Variants in ZNF628 observed in about 807,000 individuals in gnomAD.
ZNF628 encodes zinc finger protein Zec.
ZNF628 carries 3 observed loss-of-function variants against 2.5 expected under a neutral mutation model. The observed-to-expected ratio is 1.19, with a 90% CI of 0.54 to 3.07. ZNF628 has a LOEUF of 3.07. Among genes scored for constraint, ZNF628 ranks in the 30% most tolerant of loss-of-function variants. The pLI is 0.03. For synonymous variants in ZNF628, 861 were observed against 717.1 expected (o/e 1.20, Z -3.21); for missense variants, 1,610 against 1,517.1 (o/e 1.06, Z -1.02).
In ZNF628 at chr19:55,482,098, A is replaced by G. The variant is rs1268778215; in HGVS notation, c.905A>G (p.Gln302Arg). 2 of 1,507,310 alleles carry G rather than the reference A, an allele frequency of 1.3e-6. No homozygotes were observed. Among genetic ancestry groups the G allele is most frequent in the Non-Finnish European group, 1.8e-6 (2 of 1,129,318 alleles). The allele number at this position is 1,507,310 out of a possible 1,614,324, so 93.4% of individuals were successfully genotyped here. Reference protein sequence around the residue: ...ELVYRCDGCEQGFSSEELLLE... With the variant: ...ELVYRCDGCERGFSSEELLLE... ...GTGTACCGCTGCGATGGCTGCGAGC[A>G]GGGATTCAGCAGCGAGGAGCTGCTC... Residue 302 changes from glutamine (Q) to arginine (R), a missense_variant, in exon 3 of 3, where the codon CAG (glutamine) becomes CGG (arginine). Gln to Arg is a conservative substitution (Grantham distance 43). This residue lies in a region of ZNF628 where 651 missense variants were observed against 575.6 expected (regional missense o/e 1.13). Transcript: ENST00000598519.
Position 55,481,733 on chromosome 19 carries a change from C to G in ZNF628, c.540C>G (p.Val180=), listed in dbSNP as rs747080941. Residue 180 remains valine (V), a synonymous_variant, in exon 3 of 3, where the codon GTC becomes GTG. Transcript: ENST00000598519. ...GCGAGCGGCCCTACACCTGTGGAGT[C>G]TGCGGGAAGAGCTTCACGCAGAGCA... ...HTGERPYTCG[V]CGKSFTQSTN... is the part of the protein sequence containing the mutation. 1.1e-5 allele frequency: 18 copies of G among 1,612,028 alleles called. No homozygotes were observed. The highest frequency in any genetic ancestry group is 1.5e-5 in the Non-Finnish European group (18 of 1,179,276).
rs774477611 is a variant in ZNF628, at chr19:55,484,079, G to A, written c.2886G>A (p.Thr962=). The change falls in exon 3 of 3, where the codon ACG becomes ACA. Residue 962 remains threonine (T), a synonymous_variant. Coordinates refer to ENST00000598519, the MANE Select transcript of ZNF628 (RefSeq NM_033113.3). ...TAGAAACACTTCCTCCTGGGCTGAC[G>A]GAGCCGCCTGCCACCGGCCCACCCG... The part of the protein sequence containing the change: ...QEVETLPPGL[T]EPPATGPPGQ... 2 of 1,592,682 alleles carry A rather than the reference G, an allele frequency of 1.3e-6. No homozygotes were observed. Among genetic ancestry groups the A allele is most frequent in the South Asian group, 1.1e-5 (1 of 87,448 alleles).
chr19:55,481,160 C>T (rs1223915895), intron 2 of ZNF628, 41 bp from the exon 3 acceptor site: 51 of 1,469,272 alleles, frequency 3.5e-5, no homozygotes, highest in Non-Finnish European at 4.4e-5. Context: ...TGAGATGATC[C>T]AGTGCGGGGG....
chr19:55,483,161 T>C lies in ZNF628; in HGVS notation c.1968T>C (p.Pro656=). ...ACACGCCTCCCAGCACCACAGCCCC[T>C]GCCGCCGGCCCCCAGCCCCCTGCTC... The part of the protein sequence containing the change: ...PANTPPSTTA[P]AAGPQPPAPL... Residue 656 remains proline, a synonymous_variant, in exon 3 of 3, where the codon CCT becomes CCC. Coordinates refer to ENST00000598519, the MANE Select transcript of ZNF628 (RefSeq NM_033113.3). 6.4e-7 allele frequency: 1 copy of C among 1,557,096 alleles called. No individual in the cohort carries two copies. The highest frequency in any genetic ancestry group is 2.4e-5 in the East Asian group (1 of 42,458).
Position 55,483,433 on chromosome 19 carries a change from C to A in ZNF628, c.2240C>A (p.Ser747Tyr). Reference protein sequence around the residue: ...PAPPKLILLPSSSAGAGGGRA... With the variant: ...PAPPKLILLPYSSAGAGGGRA... ...CCTCCCAAGCTCATCCTGCTGCCCT[C>A]CTCCAGTGCTGGGGCTGGGGGCGGC... Residue 747 changes from serine to tyrosine, a missense_variant, in exon 3 of 3, where the codon TCC (serine) becomes TAC (tyrosine). Around this residue, in one of 5 missense-constraint regions of ZNF628, gnomAD observed 712 missense variants for 603.6 expected, o/e 1.18. Transcript: ENST00000598519. The A allele has an allele frequency of 6.6e-7, 1 of 1,516,198 alleles. No homozygotes were observed. The highest frequency in any genetic ancestry group is 8.8e-7 in the Non-Finnish European group (1 of 1,134,440). 93.9% of individuals were successfully genotyped at this position (1,516,198 alleles called of 1,614,324 possible).
intron 1 of ZNF628, 75 bp downstream of exon 1, chr19:55,476,882 G>A (rs1437247634): frequency 2.1e-5 from 3 of 145,560 alleles, no homozygotes; most frequent in South Asian, 2.2e-4. Context: ...GGGCGGGGGG[G>A]GGGGCGTGAA....
At position 55,482,508 on chromosome 19, in the gene ZNF628, G is replaced by GCCCCCCC; in HGVS notation, c.1315_1316insCCCCCCC (p.Val439AlafsTer449). ...GGAACCGCTGGCGCCTGCCGCCCCC[G>GCCCCCCC]TCCCGCCGCCACCCCCGTCCGCCCC... On this transcript the variant is annotated frameshift_variant, in exon 3 of 3. Coordinates refer to ENST00000598519, the MANE Select transcript of ZNF628 (RefSeq NM_033113.3). LOFTEE classifies it low-confidence loss of function (END_TRUNC). 1.1e-5 allele frequency: 14 copies of GCCCCCCC among 1,296,170 alleles called. No individual in the cohort carries two copies. Among genetic ancestry groups the GCCCCCCC allele is most frequent in the African/African-American group, 1.6e-5 (1 of 63,942 alleles). 80.3% of individuals were successfully genotyped at this position (1,296,170 alleles called of 1,614,324 possible).
Position 55,481,859 on chromosome 19 carries a change from C to G in ZNF628, c.666C>G (p.His222Gln). The change falls in exon 3 of 3, where the codon CAC becomes CAG. Residue 222 changes from histidine (H) to glutamine (Q), a missense_variant. This residue lies in a region of ZNF628 where 651 missense variants were observed against 575.6 expected (regional missense o/e 1.13). Coordinates refer to ENST00000598519, the MANE Select transcript of ZNF628 (RefSeq NM_033113.3). The part of the protein sequence containing the change: ...TFTHSSNLLL[H>Q]QRTHGAAPAP... ...CCCACTCCTCCAACCTGCTGCTGCACCAGCGCACGCACGGCGCCGCCCCCG... is the reference window on the plus strand; with the variant it reads ...CCCACTCCTCCAACCTGCTGCTGCAGCAGCGCACGCACGGCGCCGCCCCCG... 6.3e-7 allele frequency: 1 copy of G among 1,579,970 alleles called. No individual in the cohort carries two copies. The highest frequency in any genetic ancestry group is 8.6e-7 in the Non-Finnish European group (1 of 1,165,470).
At position 55,484,347 on chromosome 19, in the gene ZNF628, G is replaced by T; in HGVS notation, c.3154G>T (p.Ala1052Ser). 1 of 1,460,138 alleles carries T rather than the reference G, an allele frequency of 6.8e-7. No homozygotes were observed. Among genetic ancestry groups the T allele is most frequent in the Non-Finnish European group, 9.1e-7 (1 of 1,102,314 alleles). The allele number at this position is 1,460,138 out of a possible 1,614,324, so 90.4% of individuals were successfully genotyped here. ...CATCCAGATTGTCCAGACTCTACCCGCAGTCCAGCTGGTGCACACGTTTTG... is the reference window on the plus strand; with the variant it reads ...CATCCAGATTGTCCAGACTCTACCCTCAGTCCAGCTGGTGCACACGTTTTG... ...PSIQIVQTLP[A>S]VQLVHTF Residue 1052 changes from alanine (A) to serine (S), a missense_variant, in exon 3 of 3, where the codon GCA becomes TCA. Transcript: ENST00000598519.
Position 55,482,375 on chromosome 19 carries a change from CT to C in ZNF628, c.1184del (p.Phe395SerfsTer32). ...TCCGCTGCGGCAGCTGCGACGGCTCCTTCCCGCAGCTGGCCAGCCTCCTGGC... is the reference window on the plus strand; with the variant it reads ...TCCGCTGCGGCAGCTGCGACGGCTCCTCCCGCAGCTGGCCAGCCTCCTGGC... ...AFRCGSCDGSFPQLASLLAHQ... is the reference protein window; with the variant it reads ...AFRCGSCDGSXPQLASLLAHQ... On this transcript the variant is annotated frameshift_variant, in exon 3 of 3. Transcript: ENST00000598519. LOFTEE classifies it low-confidence loss of function (END_TRUNC). 1 of 1,427,600 alleles carries C rather than the reference CT, an allele frequency of 7.0e-7. No homozygotes were observed. Among genetic ancestry groups the C allele is most frequent in the South Asian group, 1.4e-5 (1 of 73,062 alleles). 88.4% of individuals were successfully genotyped at this position (1,427,600 alleles called of 1,614,324 possible).
chr19:55,481,730 A>T lies in ZNF628; in HGVS notation c.537A>T (p.Gly179=), dbSNP rs777675198. Residue 179 remains glycine (G), a synonymous_variant, in exon 3 of 3, where the codon GGA becomes GGT. Coordinates refer to ENST00000598519, the MANE Select transcript of ZNF628 (RefSeq NM_033113.3). ...CCGGCGAGCGGCCCTACACCTGTGGAGTCTGCGGGAAGAGCTTCACGCAGA... is the reference window on the plus strand; with the variant it reads ...CCGGCGAGCGGCCCTACACCTGTGGTGTCTGCGGGAAGAGCTTCACGCAGA... ...VHTGERPYTC[G]VCGKSFTQST... is the part of the protein sequence containing the mutation. 4.3e-6 allele frequency: 7 copies of T among 1,611,308 alleles called. No homozygotes were observed. In the African/African-American group the frequency reaches 8.1e-5, roughly 19 times the overall value.
chr19:55,479,400 C>T lies in ZNF628; in HGVS notation c.-77-434C>T, dbSNP rs541497055. Among the ~76,000 whole-genome samples, 15 of 152,280 alleles carry T rather than the reference C, an allele frequency of 9.9e-5. No homozygotes were observed. Among genetic ancestry groups the T allele is most frequent in the Admixed American group, 2.6e-4 (4 of 15,304 alleles). On this transcript the variant is annotated intron_variant, in intron 1 of 2. Coordinates refer to ENST00000598519, the MANE Select transcript of ZNF628 (RefSeq NM_033113.3). This position sits in a 1 kb window ranked among gnomAD's most constrained non-coding sequence, Gnocchi z 5.1. The stretch of plus-strand genomic sequence containing the variant: ...ATGGAGAAACGAGTCTGCAGCTGGA[C>T]AGGGAAGTGGAGTGAAGAGCTTTTT...
rs1599901594 is a variant in ZNF628, at chr19:55,483,253, C to T, written c.2060C>T (p.Thr687Met). ...CACGTCCTGCCCCACCTCCAGGCCA[C>T]GCTCTCCCTCGAGGTGGCGGGGGGC... ...DVHVLPHLQA[T>M]LSLEVAGGTA... Residue 687 changes from threonine (T) to methionine (M), a missense_variant, in exon 3 of 3, where the codon ACG becomes ATG. Transcript: ENST00000598519. The T allele has an allele frequency of 3.3e-6, 5 of 1,530,462 alleles. No individual in the cohort carries two copies. Among genetic ancestry groups the T allele is most frequent in the South Asian group, 1.2e-5 (1 of 83,032 alleles). 94.8% of individuals were successfully genotyped at this position (1,530,462 alleles called of 1,614,324 possible). A position where few individuals can be genotyped will look rare whatever the true frequency, so the allele number is the denominator to read the frequency against.
chr19:55,482,370 G>A lies in ZNF628; in HGVS notation c.1177G>A (p.Gly393Ser). The A allele has an allele frequency of 7.0e-7, 1 of 1,433,008 alleles. No homozygotes were observed. Among genetic ancestry groups the A allele is most frequent in the African/African-American group, 1.5e-5 (1 of 66,728 alleles). The allele number at this position is 1,433,008 out of a possible 1,614,324, so 88.8% of individuals were successfully genotyped here. A position where few individuals can be genotyped will look rare whatever the true frequency, so the allele number is the denominator to read the frequency against. ...GQAFRCGSCD[G>S]SFPQLASLLA... ...AGCGTTCCGCTGCGGCAGCTGCGAC[G>A]GCTCCTTCCCGCAGCTGGCCAGCCT... The change falls in exon 3 of 3, where the codon GGC becomes AGC. Residue 393 changes from glycine (G) to serine (S), a missense_variant. Around this residue, in one of 5 missense-constraint regions of ZNF628, gnomAD observed 651 missense variants for 575.6 expected, o/e 1.13. Coordinates refer to ENST00000598519, the MANE Select transcript of ZNF628 (RefSeq NM_033113.3).
At position 55,483,971 on chromosome 19, in the gene ZNF628, A is replaced by T; in HGVS notation, c.2778A>T (p.Thr926=). 6.4e-7 allele frequency: 1 copy of T among 1,573,714 alleles called. No homozygotes were observed. The highest frequency in any genetic ancestry group is 8.6e-7 in the Non-Finnish European group (1 of 1,157,682). The part of the protein sequence containing the change: ...TGVVQDVLFE[T]LQTDEGLQSV... ...TGGTCCAGGATGTCCTCTTTGAGACACTCCAGACGGACGAGGGCTTGCAGA... is the reference window on the plus strand; with the variant it reads ...TGGTCCAGGATGTCCTCTTTGAGACTCTCCAGACGGACGAGGGCTTGCAGA... Residue 926 remains threonine (T), a synonymous_variant, in exon 3 of 3, where the codon ACA becomes ACT. Transcript: ENST00000598519.
rs759069851 is a variant in ZNF628 at position 55,483,628 on chromosome 19, C to T, written c.2435C>T (p.Pro812Leu). The T allele has an allele frequency of 1.2e-6, 2 of 1,613,538 alleles. No individual in the cohort carries two copies. Among genetic ancestry groups the T allele is most frequent in the East Asian group, 2.2e-5 (1 of 44,876 alleles). The change falls in exon 3 of 3, where the codon CCA (proline) becomes CTA (leucine). Residue 812 changes from proline to leucine, a missense_variant. Physicochemically the swap from Pro to Leu is moderately conservative, Grantham distance 98 (BLOSUM62 -3). Around this residue, in one of 5 missense-constraint regions of ZNF628, gnomAD observed 712 missense variants for 603.6 expected, o/e 1.18. Transcript: ENST00000598519. ...LQNVGGGEAG[P>L]QEMSGVQLQP... ...AATGTGGGGGGTGGGGAGGCAGGGC[C>T]ACAGGAAATGAGTGGGGTGCAGCTC...
chr19:55,483,548 G>C lies in ZNF628; in HGVS notation c.2355G>C (p.Gln785His). The C allele has an allele frequency of 6.3e-7, 1 of 1,587,160 alleles. No homozygotes were observed. Among genetic ancestry groups the C allele is most frequent in the Non-Finnish European group, 8.6e-7 (1 of 1,165,088 alleles). Residue 785 changes from glutamine to histidine, a missense_variant, in exon 3 of 3, where the codon CAG becomes CAC. Physicochemically the swap from Gln to His is conservative, Grantham distance 24 (BLOSUM62 0). Coordinates refer to ENST00000598519, the MANE Select transcript of ZNF628 (RefSeq NM_033113.3). ...WLPGPGGLGV[Q>H]GAASAGASGT... ...CAGGCCCTGGGGGTCTAGGGGTGCA[G>C]GGAGCGGCCAGCGCTGGGGCCAGCG...
intron 1 of ZNF628, among the ~76,000 whole-genome samples, 184 bp downstream of exon 1, chr19:55,476,991 A>G (rs1359146974): frequency 6.6e-6 from 1 of 152,078 alleles, no homozygotes; most frequent in Non-Finnish European, 1.5e-5. Flanking sequence ...CCACATTGAG[A>G]GGGCGGGTCA....
chr19:55,483,682 C>T lies in ZNF628; in HGVS notation c.2489C>T (p.Thr830Ile), dbSNP rs1431279428. The T allele has an allele frequency of 6.2e-7, 1 of 1,613,634 alleles. No homozygotes were observed. The highest frequency in any genetic ancestry group is 1.7e-4 in the Middle Eastern group (1 of 6,058). The change falls in exon 3 of 3, where the codon ACC becomes ATC. Residue 830 changes from threonine (T) to isoleucine (I), a missense_variant. Around this residue, in one of 5 missense-constraint regions of ZNF628, gnomAD observed 712 missense variants for 603.6 expected, o/e 1.18. Transcript: ENST00000598519. ...LQPLRPAPEV[T>I]TVQLQPAQEV... ...CCCCTCCGACCAGCCCCAGAAGTAA[C>T]CACGGTCCAGCTCCAGCCAGCGCAG...
Sources: gnomAD v4.1 joint callset for allele counts (sites outside exome capture counted in the v4.1 genomes callset) on GRCh38, gnomAD v4.1.1 for gene constraint, gnomAD v4.1.1 regional missense constraint, Gnocchi (gnomAD v3.1) non-coding constraint, MANE v1.5 for transcripts, NCBI Gene and HGNC (gene_info 2026-07-23, HGNC 2026-07-21) for gene names.